Variants in MUC3A observed in about 807,000 individuals in gnomAD.
MUC3A encodes the protein mucin-3A.
In MUC3A, 109 loss-of-function variants were observed where a neutral mutation model predicts 109.0. That is an observed-to-expected ratio of 1.00 (90% CI 0.86 to 1.17). MUC3A has a LOEUF of 1.17. Among genes scored for constraint, MUC3A ranks in the 50% most tolerant of loss-of-function variants. The probability of loss-of-function intolerance (pLI) is 0.00; values close to 1 mark genes in which losing one functional copy is unlikely to be tolerated. For missense variants in MUC3A, 3,537 were observed against 2,469.4 expected (o/e 1.43, Z -9.16); for synonymous variants, 1,398 against 981.4 (o/e 1.42, Z -7.93).
In MUC3A at chr7:100,960,901, T is replaced by A; in HGVS notation, c.9016T>A (p.Ser3006Thr). 6.3e-7 allele frequency: 1 copy of A among 1,598,538 alleles called. No homozygotes were observed. Among genetic ancestry groups the A allele is most frequent in the Middle Eastern group, 1.7e-4 (1 of 6,060 alleles). The change falls in exon 3 of 12, where the codon TCC becomes ACC. Residue 3006 changes from serine (S) to threonine (T), a missense_variant. Transcript: ENST00000379458. ...KCQCPSTFYG[S>T]SCEFAVEQVD... ...CCAGTGCCCCAGCACCTTCTATGGTTCCAGTTGTGAGTTTGCTGTGGAACA... is the reference window on the plus strand; with the variant it reads ...CCAGTGCCCCAGCACCTTCTATGGTACCAGTTGTGAGTTTGCTGTGGAACA...
intron 8 of MUC3A, 152 bp downstream of exon 8, chr7:100,966,018 A>G (rs1792528706): frequency 7.6e-6 from 9 of 1,184,440 alleles, no homozygotes; most frequent in Non-Finnish European, 9.8e-6. Flanking sequence ...CCGTTGCCCT[A>G]CAGTGGAGCC....
rs766205989 is a variant in MUC3A, at chr7:100,966,632, C to T, written c.9786-20C>T. 3.1e-6 allele frequency: 5 copies of T among 1,598,482 alleles called. No homozygotes were observed. In the Admixed American group the frequency reaches 6.7e-5, roughly 21 times the overall value. ...CCCAGGCGGGCCGGCTCTGTCTGAC[C>T]GCGCGGCGGCCCCACCTAGGTCCTG... On this transcript the variant is annotated intron_variant, in intron 9 of 11. Transcript: ENST00000379458.
At chr7:100,963,493 G>T (rs1271128012) in intron 4 of MUC3A, among the ~76,000 whole-genome samples, 195 bp from the exon 5 acceptor site, 3 of 152,310 alleles carry the variant, frequency 2.0e-5, no homozygotes, top group Non-Finnish European at 2.9e-5. Flanking sequence ...CACTATGTTG[G>T]CCAGACTGGT....
rs907312929 is a variant in MUC3A, at chr7:100,968,028, C to T, written c.*866C>T. The T allele has an allele frequency of 1.6e-4, 21 of 131,056 alleles. No individual in the cohort carries two copies. The highest frequency in any genetic ancestry group is 6.3e-4 in the African/African-American group (21 of 33,430). 8.1% of individuals were successfully genotyped at this position (131,056 alleles called of 1,614,324 possible). On this transcript the variant is annotated 3_prime_UTR_variant, in exon 12 of 12. Coordinates refer to ENST00000379458, the MANE Select transcript of MUC3A (RefSeq NM_005960.2). ...GCTGCCCAATTCTTTATTCTCCACC[C>T]CTTTCTCTCACCCCTGGAGCCCTGC...
In MUC3A at chr7:100,959,189, G is replaced by A. The variant is rs1432467228; in HGVS notation, c.7410G>A (p.Val2470=). 6.3e-7 allele frequency: 1 copy of A among 1,598,090 alleles called. No individual in the cohort carries two copies. The highest frequency in any genetic ancestry group is 8.5e-7 in the Non-Finnish European group (1 of 1,179,760). Residue 2470 remains valine (V), a synonymous_variant, in exon 2 of 12, where the codon GTG becomes GTA. Coordinates refer to ENST00000379458, the MANE Select transcript of MUC3A (RefSeq NM_005960.2). ...ATTTTACTACCTCAGAGACTGCGGTGACTCCCACACCTGTAACCCCATCTT... is the reference window on the plus strand; with the variant it reads ...ATTTTACTACCTCAGAGACTGCGGTAACTCCCACACCTGTAACCCCATCTT... ...TSHFTTSETA[V]TPTPVTPSSL... is the part of the protein sequence containing the mutation.
intron 1 of MUC3A, 110 bp downstream of exon 1, chr7:100,949,795 C>A: frequency 3.7e-6 from 3 of 815,752 alleles, no homozygotes; most frequent in African/African-American, 9.6e-5. Flanking sequence ...AAGAAGGCAC[C>A]GCTTGGGGCT....
chr7:100,967,127 A>G lies in MUC3A; in HGVS notation c.9937A>G (p.Ile3313Val). ...ENVDTTMKVH[I>V]KRPEMTSSSV The stretch of plus-strand genomic sequence containing the variant: ...CTCACTGTGACTCTGACAGGTGCAC[A>G]TCAAGAGACCCGAGATGACCTCGTC... Residue 3313 changes from isoleucine (I) to valine (V), a missense_variant, in exon 12 of 12, where the codon ATC becomes GTC. Physicochemically the swap from Ile to Val is conservative, Grantham distance 29. Transcript: ENST00000379458. The G allele has an allele frequency of 3.1e-6, 5 of 1,598,548 alleles. No individual in the cohort carries two copies. Among genetic ancestry groups the G allele is most frequent in the Non-Finnish European group, 4.2e-6 (5 of 1,179,820 alleles).
Position 100,955,760 on chromosome 7 carries a change from C to G in MUC3A, c.3981C>G (p.Thr1327=), listed in dbSNP as rs1792079879. 1 of 423,902 alleles carries G rather than the reference C, an allele frequency of 2.4e-6. No individual in the cohort carries two copies. The highest frequency in any genetic ancestry group is 4.1e-6 in the Non-Finnish European group (1 of 242,742). The allele number at this position is 423,902 out of a possible 1,614,324, so 26.3% of individuals were successfully genotyped here. A position where few individuals can be genotyped will look rare whatever the true frequency, so the allele number is the denominator to read the frequency against. ...TAESALAPTT[T]TSFTTSPTME... ...AATCCGCCCTGGCACCCACTACCACCACCTCATTCACCACATCCCCAACGA... is the reference window on the plus strand; with the variant it reads ...AATCCGCCCTGGCACCCACTACCACGACCTCATTCACCACATCCCCAACGA... Residue 1327 remains threonine, a synonymous_variant, in exon 2 of 12, where the codon ACC becomes ACG. Transcript: ENST00000379458.
chr7:100,957,572 C>A lies in MUC3A; in HGVS notation c.5793C>A (p.Thr1931=), dbSNP rs902053554. ...GATTCACTTCTTCAATCACCACTAC[C>A]GAGACCCCCTCACACAGTACTCCCA... is the stretch of plus-strand genomic sequence containing the variant. ...TPRFTSSITT[T]ETPSHSTPRF... Residue 1931 remains threonine (T), a synonymous_variant, in exon 2 of 12, where the codon ACC becomes ACA. Transcript: ENST00000379458. The A allele has an allele frequency of 2.5e-6, 3 of 1,195,770 alleles. No homozygotes were observed. The highest frequency in any genetic ancestry group is 5.6e-5 in the South Asian group (2 of 35,932). 74.1% of individuals were successfully genotyped at this position (1,195,770 alleles called of 1,614,324 possible).
Position 100,959,389 on chromosome 7 carries a change from C to A in MUC3A, c.7610C>A (p.Thr2537Asn), listed in dbSNP as rs746633544. The change falls in exon 2 of 12, where the codon ACC (threonine) becomes AAC (asparagine). Residue 2537 changes from threonine (T) to asparagine (N), a missense_variant. By Grantham distance (65) the Thr-to-Asn change is moderately conservative. Transcript: ENST00000379458. Reference sequence around the variant, plus strand: ...TCTCCCTCCATCCAAAGTACAGAAACCTCATCCCTTGTGGGCACCACCTCT... The same window carrying A: ...TCTCCCTCCATCCAAAGTACAGAAAACTCATCCCTTGTGGGCACCACCTCT... ...SSSPSIQSTE[T>N]SSLVGTTSPT... 4 of 1,537,726 alleles carry A rather than the reference C, an allele frequency of 2.6e-6. No individual in the cohort carries two copies. The highest frequency in any genetic ancestry group is 4.5e-5 in the East Asian group (2 of 44,564).
intron 6 of MUC3A, 91 bp from the exon 7 acceptor site, chr7:100,965,191 C>G (rs1205824641): frequency 5.2e-6 from 8 of 1,548,530 alleles, no homozygotes; most frequent in African/African-American, 1.4e-5. Context: ...TCACTGCCCT[C>G]CCTGTGCCTA....
rs1360282556 is a variant in MUC3A at position 100,959,113 on chromosome 7, C to T, written c.7334C>T (p.Ser2445Phe). The change falls in exon 2 of 12, where the codon TCT becomes TTT. Residue 2445 changes from serine to phenylalanine, a missense_variant. Ser to Phe is a radical substitution (Grantham distance 155). Transcript: ENST00000379458. ...TTSESTPSLS[S>F]STIYSTVSTS... The stretch of plus-strand genomic sequence containing the variant: ...TCAGAGAGTACTCCCAGCCTCAGTT[C>T]TTCAACCATCTACTCCACAGTCAGC... 1.9e-6 allele frequency: 3 copies of T among 1,596,770 alleles called. No homozygotes were observed. The highest frequency in any genetic ancestry group is 2.7e-5 in the African/African-American group (2 of 74,390).
Position 100,960,561 on chromosome 7 carries a change from C to G in MUC3A, c.8782C>G (p.Gln2928Glu). 1.3e-6 allele frequency: 2 copies of G among 1,598,752 alleles called. No homozygotes were observed. Among genetic ancestry groups the G allele is most frequent in the South Asian group, 2.2e-5 (2 of 91,092 alleles). Residue 2928 changes from glutamine to glutamate, a missense_variant, in exon 2 of 12, where the codon CAG becomes GAG. Gln to Glu is a conservative substitution (Grantham distance 29). Coordinates refer to ENST00000379458, the MANE Select transcript of MUC3A (RefSeq NM_005960.2). ...RTSETPVATTQTPTTLTSRRT... is the reference protein window; with the variant it reads ...RTSETPVATTETPTTLTSRRT... ...TTCAGAGACACCAGTGGCCACTACC[C>G]AGACTCCTACCACCCTTACATCACG...
In MUC3A at chr7:100,957,778, C is replaced by T. The variant is rs1334769548; in HGVS notation, c.5999C>T (p.Thr2000Ile). Residue 2000 changes from threonine (T) to isoleucine (I), a missense_variant, in exon 2 of 12, where the codon ACC (threonine) becomes ATC (isoleucine). By Grantham distance (89) the Thr-to-Ile change is moderately conservative (BLOSUM62 -1). Transcript: ENST00000379458. ...PSYTSLITTT[T>I]TTSHSTPSFT... Reference sequence around the variant, plus strand: ...TACACTTCTTTGATCACCACAACCACCACCACCTCACACAGTACTCCCAGC... The same window carrying T: ...TACACTTCTTTGATCACCACAACCATCACCACCTCACACAGTACTCCCAGC... 6 of 253,720 alleles carry T rather than the reference C, an allele frequency of 2.4e-5. No homozygotes were observed. The South Asian group carries it at 4.5e-4, about 19-fold the overall frequency. The allele number at this position is 253,720 out of a possible 1,614,324, so 15.7% of individuals were successfully genotyped here.
At position 100,956,007 on chromosome 7, in the gene MUC3A, A is replaced by T; in HGVS notation, c.4228A>T (p.Thr1410Ser). 1 of 498,496 alleles carries T rather than the reference A, an allele frequency of 2.0e-6. No individual in the cohort carries two copies. Among genetic ancestry groups the T allele is most frequent in the Non-Finnish European group, 3.6e-6 (1 of 281,638 alleles). The allele number at this position is 498,496 out of a possible 1,614,324, so 30.9% of individuals were successfully genotyped here. The part of the protein sequence containing the change: ...MRTTTSWPTA[T>S]NTLSPLTSSI... ...AACTACGACCTCTTGGCCCACAGCC[A>T]CTAATACGTTATCACCACTCACCAG... is the stretch of plus-strand genomic sequence containing the variant. Residue 1410 changes from threonine (T) to serine (S), a missense_variant, in exon 2 of 12, where the codon ACT becomes TCT. Coordinates refer to ENST00000379458, the MANE Select transcript of MUC3A (RefSeq NM_005960.2).
intron 4 of MUC3A, among the ~76,000 whole-genome samples, 157 bp from the exon 5 acceptor site, chr7:100,963,531 T>TG (rs1468403218): frequency 6.8e-3 from 1,025 of 151,684 alleles, no homozygotes; most frequent in African/African-American, 0.024. Flanking sequence ...GTGATCCACC[T>TG]GCCTCGTCCT....
At chr7:100,961,620 G>C (rs1162604796) in intron 3 of MUC3A, among the ~76,000 whole-genome samples, 2 of 152,426 alleles carry the variant, frequency 1.3e-5, no homozygotes, top group South Asian at 4.1e-4. Flanking sequence ...CTGAGGTCAG[G>C]AGTTGGAGAC....
In MUC3A at chr7:100,960,395, G is replaced by C; in HGVS notation, c.8616G>C (p.Trp2872Cys). The C allele has an allele frequency of 6.3e-7, 1 of 1,598,538 alleles. No homozygotes were observed. Among genetic ancestry groups the C allele is most frequent in the South Asian group, 1.1e-5 (1 of 91,090 alleles). ...TSTRLPTSETWLSNSSVIPLP... is the reference protein window; with the variant it reads ...TSTRLPTSETCLSNSSVIPLP... ...CTCGACTGCCCACCAGTGAGACCTGGCTGAGCAACAGTTCTGTGATCCCCC... is the reference window on the plus strand; with the variant it reads ...CTCGACTGCCCACCAGTGAGACCTGCCTGAGCAACAGTTCTGTGATCCCCC... Residue 2872 changes from tryptophan to cysteine, a missense_variant, in exon 2 of 12, where the codon TGG becomes TGC. By Grantham distance (215) the Trp-to-Cys change is radical. Coordinates refer to ENST00000379458, the MANE Select transcript of MUC3A (RefSeq NM_005960.2).
intron 5 of MUC3A, 83 bp from the exon 6 acceptor site, chr7:100,964,612 A>C: frequency 1.3e-6 from 2 of 1,517,112 alleles, no homozygotes. Flanking sequence ...CTTCTGGTGC[A>C]CTTTGGGTTG....
Sources: gnomAD v4.1 joint callset for allele counts (sites outside exome capture counted in the v4.1 genomes callset) on GRCh38, gnomAD v4.1.1 for gene constraint, MANE v1.5 for transcripts, NCBI Gene and HGNC (gene_info 2026-07-23, HGNC 2026-07-21) for gene names.